Variants in CADPS2 observed in about 807,000 individuals in gnomAD.
CADPS2 encodes calcium dependent secretion activator 2.
Under a neutral mutation model 172.5 loss-of-function variants are expected in CADPS2, and 93 were observed. That is an observed-to-expected ratio of 0.54 (90% CI 0.46 to 0.64). The LOEUF is 0.64. Among genes scored for constraint, CADPS2 ranks in the 30% least tolerant of loss-of-function variants. CADPS2 has a pLI of 0.00. For synonymous variants in CADPS2, 546 were observed against 555.2 expected, an observed-to-expected ratio of 0.98 and a Z score of 0.23; for missense variants, 1,420 against 1,565.9, an observed-to-expected ratio of 0.91 and a Z score of 1.57.
intron 1 of CADPS2, among the ~76,000 whole-genome samples, chr7:122,854,751 T>C (rs1028210851): frequency 2.0e-5 from 3 of 152,212 alleles, no homozygotes; most frequent in African/African-American, 7.2e-5. Flanking sequence ...AAGGTGATAG[T>C]CTTCCAAAAG....
At chr7:122,350,854 T>C (rs1034739063) in intron 27 of CADPS2, among the ~76,000 whole-genome samples, 1 of 151,694 alleles carries the variant, frequency 6.6e-6, no homozygotes, top group African/African-American at 2.4e-5. Context: ...GGCATGGTGG[T>C]GCATCCCTGT....
At chr7:122,720,589 TATATACATACATATATAC>T (rs1170599949) in intron 2 of CADPS2, among the ~76,000 whole-genome samples, 24 of 151,436 alleles carry the variant, frequency 1.6e-4, no homozygotes, top group Admixed American at 3.3e-4. Flanking sequence ...CATGTATATG[TATATACATACATATATAC>T]GTATACATAC....
chr7:122,860,855 T>C (rs891383323), intron 1 of CADPS2, among the ~76,000 whole-genome samples: 8 of 152,206 alleles, frequency 5.3e-5, no homozygotes, highest in African/African-American at 1.9e-4. Flanking sequence ...GCTTGGTTTA[T>C]TTCACTTAAC....
intron 2 of CADPS2, among the ~76,000 whole-genome samples, chr7:122,696,818 C>T (rs1004190992): frequency 2.9e-4 from 44 of 152,174 alleles, no homozygotes; most frequent in African/African-American, 1.0e-3. Context: ...TTCAAATTAA[C>T]ACATAATAGT....
intron 24 of CADPS2, among the ~76,000 whole-genome samples, chr7:122,385,644 G>T (rs749072260): frequency 8.8e-4 from 134 of 152,140 alleles, no homozygotes; most frequent in Middle Eastern, 6.8e-3. Flanking sequence ...AGGGATTCTG[G>T]GGTAGTATTT....
At chr7:122,381,796 A>G (rs1214114637) in intron 24 of CADPS2, among the ~76,000 whole-genome samples, 1 of 152,160 alleles carries the variant, frequency 6.6e-6, no homozygotes, top group African/African-American at 2.4e-5. Context: ...AATGAACAAA[A>G]ACAAACACAT....
chr7:122,334,003 C>G (rs951096065), intron 28 of CADPS2, among the ~76,000 whole-genome samples: 2 of 151,740 alleles, frequency 1.3e-5, no homozygotes, highest in African/African-American at 4.8e-5. Flanking sequence ...ATTTCCTTAA[C>G]AGAAAAATAA....
intron 3 of CADPS2, among the ~76,000 whole-genome samples, chr7:122,649,673 C>T (rs191019341): frequency 1.6e-3 from 248 of 152,224 alleles, no homozygotes; most frequent in Non-Finnish European, 2.8e-3. Flanking sequence ...CCCATGTGCT[C>T]CTGCTGTACA....
chr7:122,576,895 G>T (rs1460873878), intron 7 of CADPS2, among the ~76,000 whole-genome samples: 1 of 151,782 alleles, frequency 6.6e-6, no homozygotes, highest in African/African-American at 2.4e-5. Context: ...GAGTAGCTGG[G>T]GTTACAGGTG....
intron 2 of CADPS2, chr7:122,697,928 G>C: frequency 6.2e-7 from 1 of 1,613,928 alleles, no homozygotes; most frequent in Non-Finnish European, 8.5e-7. Context: ...TCTTCACTAG[G>C]TGATAAGGTT....
At chr7:122,673,913 G>A (rs1260455818) in intron 2 of CADPS2, among the ~76,000 whole-genome samples, 2 of 151,648 alleles carry the variant, frequency 1.3e-5, no homozygotes, top group African/African-American at 2.4e-5. Context: ...ACGGCGGGGG[G>A]TGGGGGTGGG....
intron 2 of CADPS2, among the ~76,000 whole-genome samples, chr7:122,729,676 G>GTTTTTTTTTTTTTTTTTTTTTTTGT (rs56993717): frequency 1.1e-5 from 1 of 94,238 alleles, no homozygotes; most frequent in East Asian, 3.2e-4. Flanking sequence ...ATTTTTAACG[G>GTTTTTTTTTTTTTTTTTTTTTTTGT]TTTTTTTTTT....
At chr7:122,549,885 C>A (rs1563672403) in intron 8 of CADPS2, among the ~76,000 whole-genome samples, 2 of 152,224 alleles carry the variant, frequency 1.3e-5, no homozygotes, top group South Asian at 4.1e-4. Flanking sequence ...AAAGAACAGA[C>A]TTGGCTTTGT....
At chr7:122,361,242 TTTTTAA>T (rs1202624821) in intron 25 of CADPS2, among the ~76,000 whole-genome samples, 5 of 137,980 alleles carry the variant, frequency 3.6e-5, no homozygotes, top group African/African-American at 1.5e-4. Context: ...TTTTTTTTTT[TTTTTAA>T]AATGAGATGG....
chr7:122,845,064 C>A (rs1021045874), intron 1 of CADPS2, among the ~76,000 whole-genome samples: 1 of 152,018 alleles, frequency 6.6e-6, no homozygotes, highest in African/African-American at 2.4e-5. Flanking sequence ...TGCTGATAAG[C>A]CAAATAAATA....
chr7:122,647,215 GT>G (rs146698763), intron 3 of CADPS2, among the ~76,000 whole-genome samples: 28,296 of 151,642 alleles, frequency 0.19, 3,240 homozygotes, highest in Middle Eastern at 0.3. Flanking sequence ...TTTTACTACA[GT>G]TTTTTTTTCC....
intron 9 of CADPS2, among the ~76,000 whole-genome samples, chr7:122,507,534 C>A (rs915725561): frequency 6.6e-6 from 1 of 152,064 alleles, no homozygotes; most frequent in Non-Finnish European, 1.5e-5. Context: ...GGCTCAGTGA[C>A]AGAAAATAAC....
intron 1 of CADPS2, chr7:122,850,361 TA>T (rs113731920): frequency 1.3e-5 from 5 of 381,698 alleles, no homozygotes; most frequent in South Asian, 6.8e-5. Flanking sequence ...GATCACCACC[TA>T]GGGGGGTGAC....
intron 1 of CADPS2, among the ~76,000 whole-genome samples, chr7:122,842,364 T>C (rs1011579820): frequency 2.0e-5 from 3 of 152,184 alleles, no homozygotes; most frequent in African/African-American, 7.2e-5. Context: ...TCATTGTGTG[T>C]CCATCCTCAT....
Sources: allele counts gnomAD v4.1 joint callset (sites outside exome capture counted in the v4.1 genomes callset), GRCh38; gene constraint gnomAD v4.1.1; transcripts MANE v1.5; gene names NCBI Gene and HGNC (gene_info 2026-07-23, HGNC 2026-07-21).